Variants in ZFAND3 observed in about 807,000 individuals in gnomAD.
ZFAND3 encodes AN1-type zinc finger protein 3.
ZFAND3 carries 10 observed loss-of-function variants against 29.6 expected under a neutral mutation model. The observed-to-expected ratio is 0.34, with a 90% CI of 0.21 to 0.57. The LOEUF is 0.57. Among genes scored for constraint, ZFAND3 ranks in the 20% least tolerant of loss-of-function variants. The pLI is 0.86. For missense variants in ZFAND3, 230 were observed against 304.5 expected, an observed-to-expected ratio of 0.76 and a Z score of 1.82; for synonymous variants, 128 against 112.6, an observed-to-expected ratio of 1.14 and a Z score of -0.87.
At chr6:38,117,854 C>G (rs1765451984) in intron 5 of ZFAND3, among the ~76,000 whole-genome samples, 1 of 152,178 alleles carries the variant, frequency 6.6e-6, no homozygotes, top group Non-Finnish European at 1.5e-5. Context: ...ATTATCTGCC[C>G]TATTGGAAAT....
At position 37,913,708 on chromosome 6, in the gene ZFAND3, C is replaced by CTTTTTTTTTTTTTTTTTTTT. The variant is rs56045448; in HGVS notation, c.72-16232_72-16231insTTTTTTTTTTTTTTTTTTTT. ...CCCAGCTGTCTATGGCAGCTATATT[C>CTTTTTTTTTTTTTTTTTTTT]TTTTTTTTTTTTTTTTTTTGAGACA... On this transcript the variant is annotated intron_variant, in intron 1 of 5. Transcript: ENST00000287218. 7.8e-4 allele frequency among the ~76,000 whole-genome samples: 88 copies of CTTTTTTTTTTTTTTTTTTTT among 113,020 alleles called. 4 individuals carry two copies. Among genetic ancestry groups the CTTTTTTTTTTTTTTTTTTTT allele is most frequent in the Middle Eastern group, 0.011 (2 of 180 alleles). 74.1% of individuals were successfully genotyped at this position (113,020 alleles called of 152,430 possible).
At chr6:37,877,352 G>A (rs1764812231) in intron 1 of ZFAND3, among the ~76,000 whole-genome samples, 2 of 152,164 alleles carry the variant, frequency 1.3e-5, no homozygotes, top group Admixed American at 6.5e-5. Context: ...TGGTTGTGGA[G>A]TGTTTTTGTT....
intron 5 of ZFAND3, among the ~76,000 whole-genome samples, chr6:38,140,976 C>T (rs1243535366): frequency 2.9e-5 from 4 of 137,742 alleles, no homozygotes; most frequent in Admixed American, 1.4e-4. Context: ...CTTCTCTGCC[C>T]GCCCCCACCC....
At position 37,869,513 on chromosome 6, in the gene ZFAND3, AT is replaced by A. The variant is rs543408260; in HGVS notation, c.71+49512del. Among the ~76,000 whole-genome samples, 568 of 140,972 alleles carry A rather than the reference AT, an allele frequency of 4.0e-3. 1 individual carries two copies. Among genetic ancestry groups the A allele is most frequent in the Middle Eastern group, 0.012 (3 of 260 alleles). The allele number at this position is 140,972 out of a possible 152,430, so 92.5% of individuals were successfully genotyped here. ...TAATCTGTATTTATCAAGTTTGTTA[AT>A]TTTTTTTTTTTTTTGAGATAGGGTC... On this transcript the variant is annotated intron_variant, in intron 1 of 5. Coordinates refer to ENST00000287218, the MANE Select transcript of ZFAND3 (RefSeq NM_021943.3).
Position 37,978,847 on chromosome 6 carries a change from T to C in ZFAND3, c.112+48848T>C, listed in dbSNP as rs549218775. 3.1e-3 allele frequency among the ~76,000 whole-genome samples: 470 copies of C among 152,306 alleles called. 3 individuals are homozygous for C. Among genetic ancestry groups the C allele is most frequent in the African/African-American group, 0.011 (447 of 41,574 alleles). ...ACTGGGCTAATTTTTGTATTTTTAG[T>C]AGAGATGGGGTTTTACCATGTTGGC... On this transcript the variant is annotated intron_variant, in intron 2 of 5. Transcript: ENST00000287218.
chr6:37,895,923 C>T (rs1226938527), intron 1 of ZFAND3, among the ~76,000 whole-genome samples: 1 of 152,152 alleles, frequency 6.6e-6, no homozygotes, highest in African/African-American at 2.4e-5. Flanking sequence ...GAGCACTCTA[C>T]CCTGTGTCCT....
intron 1 of ZFAND3, among the ~76,000 whole-genome samples, chr6:37,868,037 T>C (rs1764620388): frequency 6.6e-6 from 1 of 152,252 alleles, no homozygotes; most frequent in Admixed American, 6.5e-5. Context: ...TGACACCTGC[T>C]ACTTGAAAGT....
intron 4 of ZFAND3, among the ~76,000 whole-genome samples, chr6:38,111,195 A>C (rs1047526264): frequency 1.3e-5 from 2 of 152,196 alleles, no homozygotes; most frequent in African/African-American, 2.4e-5. Context: ...CTCTCTTCAG[A>C]AGATTCCATG....
At chr6:38,128,876 G>C (rs1765688747) in intron 5 of ZFAND3, among the ~76,000 whole-genome samples, 1 of 152,174 alleles carries the variant, frequency 6.6e-6, no homozygotes, top group Non-Finnish European at 1.5e-5. Flanking sequence ...GGGATTGCCG[G>C]ATCAATGGTA....
intron 5 of ZFAND3, among the ~76,000 whole-genome samples, chr6:38,117,592 A>G (rs1765446544): frequency 6.6e-6 from 1 of 152,174 alleles, no homozygotes; most frequent in Non-Finnish European, 1.5e-5. Flanking sequence ...ATATTATAAA[A>G]TTGTTTGAGG....
chr6:38,140,071 C>A (rs908273647), intron 5 of ZFAND3, among the ~76,000 whole-genome samples: 1 of 152,180 alleles, frequency 6.6e-6, no homozygotes, highest in East Asian at 1.9e-4. Context: ...TGGCCCTATT[C>A]TCTTAGAATG....
At chr6:38,119,193 G>A (rs903021953) in intron 5 of ZFAND3, among the ~76,000 whole-genome samples, 7 of 152,020 alleles carry the variant, frequency 4.6e-5, no homozygotes, top group African/African-American at 1.7e-4. Flanking sequence ...AAAAAGTCTG[G>A]GACTGTTTTT....
At chr6:37,976,238 C>T (rs1437209630) in intron 2 of ZFAND3, among the ~76,000 whole-genome samples, 4 of 151,926 alleles carry the variant, frequency 2.6e-5, no homozygotes, top group African/African-American at 7.3e-5. Context: ...ATTATTTATT[C>T]ATTGGGTTTT....
intron 5 of ZFAND3, among the ~76,000 whole-genome samples, chr6:38,133,311 T>A (rs1000241493): frequency 3.3e-5 from 5 of 152,198 alleles, no homozygotes; most frequent in Non-Finnish European, 5.9e-5. Flanking sequence ...CGGTGACACA[T>A]TAATAGACAC....
chr6:37,867,892 A>T (rs1764617552), intron 1 of ZFAND3, among the ~76,000 whole-genome samples: 2 of 152,344 alleles, frequency 1.3e-5, no homozygotes, highest in South Asian at 4.1e-4. Context: ...TTACTTGAGT[A>T]TATGATTTAA....
At chr6:38,103,273 A>T (rs982393379) in intron 4 of ZFAND3, among the ~76,000 whole-genome samples, 2 of 152,024 alleles carry the variant, frequency 1.3e-5, no homozygotes, top group Non-Finnish European at 2.9e-5. Flanking sequence ...TTAAAGTCAC[A>T]GTTTCTAAGA....
intron 1 of ZFAND3, among the ~76,000 whole-genome samples, chr6:37,925,837 A>G (rs1244574971): frequency 3.3e-5 from 5 of 152,212 alleles, no homozygotes; most frequent in Admixed American, 2.6e-4. Flanking sequence ...TGAAATACTA[A>G]GTTTGAGTCA....
chr6:38,108,483 G>A (rs867790396), intron 4 of ZFAND3, among the ~76,000 whole-genome samples: 2 of 152,136 alleles, frequency 1.3e-5, no homozygotes, highest in Non-Finnish European at 2.9e-5. Context: ...GCCTGCAGCC[G>A]AGCTCGAGTC....
At chr6:37,932,036 C>T (rs965313391) in intron 2 of ZFAND3, among the ~76,000 whole-genome samples, 2 of 152,094 alleles carry the variant, frequency 1.3e-5, no homozygotes, top group Non-Finnish European at 2.9e-5. Flanking sequence ...TTTGGGAGGC[C>T]GAGGTGGGTG....
Sources: gnomAD v4.1 joint callset for allele counts (sites outside exome capture counted in the v4.1 genomes callset) on GRCh38, gnomAD v4.1.1 for gene constraint, MANE v1.5 for transcripts, NCBI Gene and HGNC (gene_info 2026-07-23, HGNC 2026-07-21) for gene names.